ARHGAP24: variants seen among roughly 807,000 people sequenced by gnomAD.
ARHGAP24 encodes the protein Rho GTPase activating protein 24.
A neutral mutation model predicts 76.4 loss-of-function variants in ARHGAP24; 50 were observed. The observed-to-expected ratio is 0.65, with a 90% CI of 0.52 to 0.83. The LOEUF is 0.83. Ranked by LOEUF, ARHGAP24 falls within the 40% of genes least tolerant of loss-of-function variation. ARHGAP24 has a pLI of 0.00. For missense variants in ARHGAP24, 930 were observed against 914.2 expected (o/e 1.02, Z -0.22); for synonymous variants, 345 against 323.3 (o/e 1.07, Z -0.72).
At chr4:85,638,847 C>T (rs969885147) in intron 2 of ARHGAP24, among the ~76,000 whole-genome samples, 1 of 152,124 alleles carries the variant, frequency 6.6e-6, no homozygotes, top group African/African-American at 2.4e-5. Flanking sequence ...GTGAGCAAAA[C>T]ATACTGGAGA....
At chr4:85,904,205 A>G (rs767944927) in intron 3 of ARHGAP24, among the ~76,000 whole-genome samples, 2 of 152,202 alleles carry the variant, frequency 1.3e-5, no homozygotes, top group Non-Finnish European at 2.9e-5. Context: ...GAAGCATAGC[A>G]GCATCTGCTT....
At chr4:85,626,192 T>G (rs1255150036) in intron 2 of ARHGAP24, among the ~76,000 whole-genome samples, 1 of 152,222 alleles carries the variant, frequency 6.6e-6, no homozygotes. Context: ...TTGGCATGTT[T>G]TTGCAGTGGC....
intron 2 of ARHGAP24, among the ~76,000 whole-genome samples, chr4:85,686,129 C>G (rs1164702077): frequency 6.6e-6 from 1 of 152,202 alleles, no homozygotes; most frequent in African/African-American, 2.4e-5. Flanking sequence ...TCCCAAAAGA[C>G]TGGCCTGGGC....
Position 85,722,548 on chromosome 4 carries a change from A to C in ARHGAP24, c.268+576A>C, listed in dbSNP as rs148757980. On this transcript the variant is annotated intron_variant, in intron 3 of 9. Coordinates refer to ENST00000395184, the MANE Select transcript of ARHGAP24 (RefSeq NM_001025616.3). ...CTGAGGACAGCTCTGCCAAGACATC[A>C]AATCCCTCAGTTAAACTTTTGAAAC... 8.2e-3 allele frequency: 1,281 copies of C among 156,802 alleles called. 9 individuals carry two copies. The highest frequency in any genetic ancestry group is 0.013 in the Non-Finnish European group (881 of 69,790). The allele number at this position is 156,802 out of a possible 1,614,324, so 9.7% of individuals were successfully genotyped here.
chr4:85,924,292 G>T (rs1016396996), intron 4 of ARHGAP24, among the ~76,000 whole-genome samples: 2 of 152,086 alleles, frequency 1.3e-5, no homozygotes, highest in Non-Finnish European at 2.9e-5. Context: ...AGTTAACACA[G>T]TGTTGAGAAT....
At position 86,001,541 on chromosome 4, in the gene ARHGAP24, C is replaced by G. The variant is rs1027782557; in HGVS notation, c.*819C>G. 2.5e-6 allele frequency: 1 copy of G among 397,688 alleles called. No individual in the cohort carries two copies. The highest frequency in any genetic ancestry group is 1.4e-4 in the South Asian group (1 of 7,380). 24.6% of individuals were successfully genotyped at this position (397,688 alleles called of 1,614,324 possible). On this transcript the variant is annotated 3_prime_UTR_variant, in exon 10 of 10. Coordinates refer to ENST00000395184, the MANE Select transcript of ARHGAP24 (RefSeq NM_001025616.3). ...ATTCAGGCTTTGAATTACTCTGTCC[C>G]TCTGGACCGAATCTCTTTAACTGCT...
intron 3 of ARHGAP24, among the ~76,000 whole-genome samples, chr4:85,874,684 A>G (rs1732723532): frequency 6.7e-6 from 1 of 149,546 alleles, no homozygotes; most frequent in Non-Finnish European, 1.5e-5. Context: ...GTAGCAGGAG[A>G]TATTGTATTT....
chr4:85,957,867 G>C (rs765814416), intron 5 of ARHGAP24, among the ~76,000 whole-genome samples: 12 of 152,142 alleles, frequency 7.9e-5, no homozygotes, highest in Non-Finnish European at 1.8e-4. Flanking sequence ...CTAGAAATCT[G>C]TCATGTTGCA....
intron 5 of ARHGAP24, among the ~76,000 whole-genome samples, chr4:85,958,029 T>C (rs1224354141): frequency 1.3e-5 from 2 of 152,184 alleles, no homozygotes; most frequent in Non-Finnish European, 2.9e-5. Context: ...AATTAACCAA[T>C]AAGTTTTTCA....
chr4:85,858,045 C>G (rs769563445), intron 3 of ARHGAP24, among the ~76,000 whole-genome samples: 3 of 151,998 alleles, frequency 2.0e-5, no homozygotes, highest in Non-Finnish European at 4.4e-5. Context: ...TCTTTAATAC[C>G]TACCACAAAA....
intron 2 of ARHGAP24, among the ~76,000 whole-genome samples, chr4:85,700,409 AAATAAATAAAG>A (rs1322677845): frequency 8.2e-5 from 2 of 24,378 alleles, no homozygotes; most frequent in Non-Finnish European, 6.6e-4. Context: ...AAAAAAAAAT[AAATAAATAAAG>A]AAGAAGAAGA....
chr4:85,572,360 C>T (rs1285388738), intron 2 of ARHGAP24, among the ~76,000 whole-genome samples: 2 of 152,072 alleles, frequency 1.3e-5, no homozygotes, highest in Admixed American at 6.6e-5. Context: ...ATATCCCAGG[C>T]GATATGATAA....
At position 85,548,978 on chromosome 4, in the gene ARHGAP24, G is replaced by C. The variant is rs377491780; in HGVS notation, c.-20-21544G>C. Among the ~76,000 whole-genome samples the C allele has an allele frequency of 1.2e-4, 19 of 152,068 alleles. No homozygotes were observed. The East Asian group carries it at 3.7e-3, about 29-fold the overall frequency. On this transcript the variant is annotated intron_variant, in intron 1 of 9. Transcript: ENST00000395184. Reference sequence around the variant, plus strand: ...AATGACTGCTGGATTTATACATGTTGTTATATGTATATCTACAGTTTGTTT... The same window carrying C: ...AATGACTGCTGGATTTATACATGTTCTTATATGTATATCTACAGTTTGTTT...
intron 3 of ARHGAP24, among the ~76,000 whole-genome samples, chr4:85,800,388 C>G (rs1250607374): frequency 6.6e-6 from 1 of 152,042 alleles, no homozygotes; most frequent in Non-Finnish European, 1.5e-5. Flanking sequence ...TAGAATTGCT[C>G]AGATAGAGCA....
At chr4:85,475,847 G>A (rs1211536177) in intron 1 of ARHGAP24, among the ~76,000 whole-genome samples, 4 of 151,746 alleles carry the variant, frequency 2.6e-5, no homozygotes, top group African/African-American at 9.7e-5. Context: ...ATGTCTTTCT[G>A]GCTTTAAAAA....
chr4:85,695,845 C>G (rs957265830), intron 2 of ARHGAP24, among the ~76,000 whole-genome samples: 1 of 152,140 alleles, frequency 6.6e-6, no homozygotes, highest in Middle Eastern at 3.4e-3. Flanking sequence ...ATCTCAAATC[C>G]ACAGTACATA....
At chr4:85,503,928 A>G (rs931366229) in intron 1 of ARHGAP24, among the ~76,000 whole-genome samples, 1 of 152,134 alleles carries the variant, frequency 6.6e-6, no homozygotes, top group Non-Finnish European at 1.5e-5. Context: ...CTTTGTTCTC[A>G]TTGGTTTCAA....
chr4:85,994,475 T>G (rs1328776047), intron 8 of ARHGAP24, 108 bp from the exon 9 acceptor site: 2 of 1,099,658 alleles, frequency 1.8e-6, no homozygotes, highest in African/African-American at 1.5e-5. Context: ...TTGGTACTGA[T>G]AATAATAATG....
At chr4:85,924,319 G>A (rs754223147) in intron 4 of ARHGAP24, among the ~76,000 whole-genome samples, 2 of 151,894 alleles carry the variant, frequency 1.3e-5, no homozygotes, top group Admixed American at 1.3e-4. Context: ...TGTCAAGAAC[G>A]AGCTAAAAAG....
Sources: gnomAD v4.1 joint callset for allele counts (sites outside exome capture counted in the v4.1 genomes callset) on GRCh38, gnomAD v4.1.1 for gene constraint, MANE v1.5 for transcripts, NCBI Gene and HGNC (gene_info 2026-07-23, HGNC 2026-07-21) for gene names.